RAI1: variants seen among roughly 807,000 people sequenced by gnomAD.
The protein encoded by RAI1 is retinoic acid induced 1, also known as retinoic acid-induced protein 1.
A neutral mutation model predicts 123.8 loss-of-function variants in RAI1; 9 were observed. The observed-to-expected ratio is 0.07, with a 90% CI of 0.04 to 0.13. RAI1 has a LOEUF of 0.13. Ranked by LOEUF, RAI1 falls within the 10% of genes least tolerant of loss-of-function variation. RAI1 has a pLI of 1.00. For missense variants in RAI1, 2,256 were observed against 2,545.8 expected, an observed-to-expected ratio of 0.89 and a Z score of 2.45; for synonymous variants, 1,231 against 1,127.3, an observed-to-expected ratio of 1.09 and a Z score of -1.84.
chr17:17,763,541 G>A (rs755623721), intron 2 of RAI1, among the ~76,000 whole-genome samples: 6 of 152,216 alleles, frequency 3.9e-5, no homozygotes, highest in African/African-American at 1.2e-4. Context: ...CCACTCTGCC[G>A]GAGTGGCCAA....
At position 17,798,170 on chromosome 17, in the gene RAI1, A is replaced by G; in HGVS notation, c.5222A>G (p.Lys1741Arg). The part of the protein sequence containing the change: ...EASLPLERTL[K>R]GPECAAAATA... ...TCGCTGCCGCTTGAGAGAACACTCA[A>G]AGGTCCCGAGTGTGCAGCTGCCGCC... The change falls in exon 3 of 6, where the codon AAA (lysine) becomes AGA (arginine). Residue 1741 changes from lysine to arginine, a missense_variant. This residue lies in a region of RAI1 where 243 missense variants were observed against 316.6 expected (regional missense o/e 0.77). Coordinates refer to ENST00000353383, the MANE Select transcript of RAI1 (RefSeq NM_030665.4). The G allele has an allele frequency of 6.2e-7, 1 of 1,613,080 alleles. No homozygotes were observed.
intron 2 of RAI1, among the ~76,000 whole-genome samples, chr17:17,780,860 G>A (rs532930345): frequency 6.6e-6 from 1 of 152,294 alleles, no homozygotes; most frequent in African/African-American, 2.4e-5. Context: ...ATTTGCTTAG[G>A]AGGCTGTGTC....
intron 2 of RAI1, among the ~76,000 whole-genome samples, chr17:17,724,550 C>T (rs1410056468): frequency 6.6e-6 from 1 of 151,644 alleles, no homozygotes; most frequent in East Asian, 1.9e-4. Flanking sequence ...GATGGCGGGG[C>T]TGGTGGCCAC....
chr17:17,808,428 T>TC, intron 4 of RAI1, among the ~76,000 whole-genome samples: 1 of 114,364 alleles, frequency 8.7e-6, no homozygotes, highest in African/African-American at 3.4e-5. Context: ...TTTTATTTTA[T>TC]TTTATTTTAT....
intron 1 of RAI1, among the ~76,000 whole-genome samples, chr17:17,703,843 G>T (rs1486077473): frequency 6.6e-6 from 1 of 152,138 alleles, no homozygotes; most frequent in African/African-American, 2.4e-5. Context: ...CTTTTCTTTT[G>T]TTCCATTCCA....
chr17:17,790,895 C>A (rs1286127301), intron 2 of RAI1, among the ~76,000 whole-genome samples: 2 of 152,200 alleles, frequency 1.3e-5, no homozygotes, highest in Non-Finnish European at 2.9e-5. Flanking sequence ...GGCTGCCCAC[C>A]TGGCAGGGAG....
At chr17:17,779,759 C>G (rs1038875699) in intron 2 of RAI1, among the ~76,000 whole-genome samples, 1 of 144,678 alleles carries the variant, frequency 6.9e-6, no homozygotes, top group Non-Finnish European at 1.5e-5. Flanking sequence ...TCTCTCTAGT[C>G]CCCTCCCCAC....
chr17:17,792,911 C>A, intron 2 of RAI1, 22 bp from the exon 3 acceptor site: 1 of 1,263,480 alleles, frequency 7.9e-7, no homozygotes, highest in Non-Finnish European at 1.1e-6. Context: ...CTCCCTCCCT[C>A]CCTTCCTTTT....
intron 1 of RAI1, among the ~76,000 whole-genome samples, chr17:17,693,683 A>G (rs551549516): frequency 4.3e-4 from 66 of 152,332 alleles, no homozygotes; most frequent in African/African-American, 1.4e-3. Context: ...TAGCTGAGAA[A>G]GACATCGGAT....
intron 1 of RAI1, among the ~76,000 whole-genome samples, chr17:17,700,346 G>A (rs1423344827): frequency 2.0e-5 from 3 of 152,048 alleles, no homozygotes; most frequent in East Asian, 3.9e-4. Context: ...AGGCGGGACT[G>A]CCTTGGCAGG....
chr17:17,694,834 G>A (rs1303438504), intron 1 of RAI1, among the ~76,000 whole-genome samples: 1 of 151,396 alleles, frequency 6.6e-6, no homozygotes, highest in Non-Finnish European at 1.5e-5. Flanking sequence ...GCGGGGCGGG[G>A]CGGGGTGCTG....
At chr17:17,807,400 C>T (rs560119320) in intron 4 of RAI1, among the ~76,000 whole-genome samples, 1 of 152,296 alleles carries the variant, frequency 6.6e-6, no homozygotes, top group African/African-American at 2.4e-5. Flanking sequence ...CAGCCTCTGC[C>T]CTGCACTGCG....
In RAI1 at chr17:17,795,762, C is replaced by G; in HGVS notation, c.2814C>G (p.Val938=). The change falls in exon 3 of 6, where the codon GTC becomes GTG. Residue 938 remains valine (V), a synonymous_variant. Coordinates refer to ENST00000353383, the MANE Select transcript of RAI1 (RefSeq NM_030665.4). This position sits in a 1 kb window ranked among gnomAD's most constrained non-coding sequence, Gnocchi z 5.9. ...LGPTVGTESK[V]QSWFESSLSH... ...CTACAGTGGGCACCGAGTCAAAGGT[C>G]CAGAGCTGGTTTGAGTCCTCTCTGT... 2 of 1,613,564 alleles carry G rather than the reference C, an allele frequency of 1.2e-6. No homozygotes were observed. Among genetic ancestry groups the G allele is most frequent in the Non-Finnish European group, 1.7e-6 (2 of 1,180,030 alleles).
In RAI1 at chr17:17,760,974, C is replaced by T. The variant is rs527379789; in HGVS notation, c.-16-31959C>T. ...CCCCCTTGCCAAGAACCTCCTAGAA[C>T]TGCATACTCAGGGGATAGGCAGCTC... On this transcript the variant is annotated intron_variant, in intron 2 of 5. Transcript: ENST00000353383. Among the ~76,000 whole-genome samples the T allele has an allele frequency of 5.9e-5, 9 of 152,362 alleles. No homozygotes were observed. The East Asian group carries it at 9.6e-4, about 16-fold the overall frequency.
Position 17,704,694 on chromosome 17 carries a change from A to G in RAI1, c.-148-19334A>G, listed in dbSNP as rs569572249. Among the ~76,000 whole-genome samples the G allele has an allele frequency of 1.1e-4, 17 of 152,208 alleles. No homozygotes were observed. The South Asian group carries it at 2.3e-3, about 20-fold the overall frequency. On this transcript the variant is annotated intron_variant, in intron 1 of 5. Coordinates refer to ENST00000353383, the MANE Select transcript of RAI1 (RefSeq NM_030665.4). The stretch of plus-strand genomic sequence containing the variant: ...GAGTAGTAAGTGAAACTCCCACTTC[A>G]GGTCCTTCGCCTGGTGTCCAGGGCA...
At chr17:17,705,195 C>T (rs1915355710) in intron 1 of RAI1, among the ~76,000 whole-genome samples, 1 of 152,204 alleles carries the variant, frequency 6.6e-6, no homozygotes, top group African/African-American at 2.4e-5. Context: ...GCCAGGGGTC[C>T]ATCCAGGAGA....
chr17:17,807,189 G>A (rs978611951), intron 4 of RAI1, among the ~76,000 whole-genome samples: 3 of 151,604 alleles, frequency 2.0e-5, no homozygotes, highest in Admixed American at 2.0e-4. Flanking sequence ...AGTGAAGGCG[G>A]GGAGGACGGG....
chr17:17,747,249 C>T (rs2029960825), intron 2 of RAI1, among the ~76,000 whole-genome samples: 1 of 152,146 alleles, frequency 6.6e-6, no homozygotes, highest in Admixed American at 6.5e-5. Flanking sequence ...CACAGACCCC[C>T]ACACGTCACC....
chr17:17,810,339 C>T lies in RAI1; in HGVS notation c.*358C>T, dbSNP rs2032712856. On this transcript the variant is annotated 3_prime_UTR_variant, in exon 6 of 6. Transcript: ENST00000353383. This position sits in a 1 kb window ranked among gnomAD's most constrained non-coding sequence, Gnocchi z 4.6. ...GACGGCTTTGTCCTGGGGACACTTT[C>T]CCTCTGGAATCTCAAGACGACGTGG... The T allele has an allele frequency of 2.7e-6, 1 of 365,934 alleles. No individual in the cohort carries two copies. The highest frequency in any genetic ancestry group is 5.0e-6 in the Non-Finnish European group (1 of 201,638). 22.7% of individuals were successfully genotyped at this position (365,934 alleles called of 1,614,324 possible). A position where few individuals can be genotyped will look rare whatever the true frequency, so the allele number is the denominator to read the frequency against.
Sources: gnomAD v4.1 joint callset for allele counts (sites outside exome capture counted in the v4.1 genomes callset) on GRCh38, gnomAD v4.1.1 for gene constraint, gnomAD v4.1.1 regional missense constraint, Gnocchi (gnomAD v3.1) non-coding constraint, MANE v1.5 for transcripts, NCBI Gene and HGNC (gene_info 2026-07-23, HGNC 2026-07-21) for gene names.